Variants in NDUFA13 observed in about 807,000 individuals in gnomAD.
The protein encoded by NDUFA13 is NADH:ubiquinone oxidoreductase subunit A13, also known as NADH dehydrogenase [ubiquinone] 1 alpha subcomplex subunit 13.
NDUFA13 carries 16 observed loss-of-function variants against 17.0 expected under a neutral mutation model. The observed-to-expected ratio is 0.94, with a 90% CI of 0.64 to 1.43. The LOEUF (loss-of-function observed/expected upper bound fraction) is 1.43, where lower values mean the gene tolerates loss of function less well. Ranked by LOEUF, NDUFA13 falls within the 40% of genes most tolerant of loss-of-function variation. NDUFA13 has a pLI of 0.00. For synonymous variants in NDUFA13, 87 were observed against 78.4 expected (o/e 1.11, Z -0.58); for missense variants, 228 against 206.7 (o/e 1.10, Z -0.63).
rs753205170 is a variant in NDUFA13 at position 19,527,694 on chromosome 19, C to T, written c.246-7C>T. The T allele has an allele frequency of 8.4e-6, 13 of 1,551,522 alleles. No homozygotes were observed. The highest frequency in any genetic ancestry group is 1.4e-5 in the African/African-American group (1 of 73,076). On this transcript the variant is annotated splice_region_variant and splice_polypyrimidine_tract_variant and intron_variant, in intron 3 of 4. Coordinates refer to ENST00000507754, the MANE Select transcript of NDUFA13 (RefSeq NM_015965.7). ...CCCCACCCCCACCATCGGCCCCATC[C>T]CCACAGGACCTTGCAGATGCTTCGG...
Position 19,527,761 on chromosome 19 carries a change from C to T in NDUFA13, c.306C>T (p.Pro102=), listed in dbSNP as rs751939200. The change falls in exon 4 of 5, where the codon CCC becomes CCT. Residue 102 remains proline (P), a synonymous_variant. Coordinates refer to ENST00000507754, the MANE Select transcript of NDUFA13 (RefSeq NM_015965.7). The part of the protein sequence containing the change: ...EEEAIIMKDV[P]DWKVGESVFH... ...AGGCCATCATCATGAAGGACGTGCC[C>T]GACTGGAAGGTGGGTCCCGGCTGGG... The T allele has an allele frequency of 1.6e-5, 25 of 1,552,592 alleles. 1 individual carries two copies. The South Asian group carries it at 1.9e-4, about 12-fold the overall frequency.
At chr19:19,522,377 G>C (rs924267853) in intron 1 of NDUFA13, among the ~76,000 whole-genome samples, 2 of 151,120 alleles carry the variant, frequency 1.3e-5, no homozygotes, top group Non-Finnish European at 3.0e-5. Context: ...TTGTGCTTCT[G>C]GTGTCATATC....
At chr19:19,523,989 C>G (rs766795459) in intron 1 of NDUFA13, among the ~76,000 whole-genome samples, 3 of 152,156 alleles carry the variant, frequency 2.0e-5, no homozygotes, top group Admixed American at 2.0e-4. Context: ...AGGCTAGTTG[C>G]AAACTCCTAG....
intron 2 of NDUFA13, 131 bp from the exon 3 acceptor site, chr19:19,527,150 T>TC: frequency 1.2e-6 from 1 of 816,574 alleles, no homozygotes; most frequent in Middle Eastern, 3.5e-4. Context: ...ACCCTCGCCC[T>TC]GCCCCCTGCC....
chr19:19,522,214 A>G (rs1190296052), intron 1 of NDUFA13, among the ~76,000 whole-genome samples: 1 of 151,792 alleles, frequency 6.6e-6, no homozygotes, highest in African/African-American at 2.4e-5. Flanking sequence ...CTGAGGCAGG[A>G]GAATGGCGTG....
At chr19:19,527,679 A>G (rs2061109270) in intron 3 of NDUFA13, 22 bp from the exon 4 acceptor site, 1 of 1,526,260 alleles carries the variant, frequency 6.6e-7, no homozygotes, top group Admixed American at 2.0e-5. Context: ...CCCCACCCCC[A>G]CCATCGGCCC....
At chr19:19,520,128 G>A (rs2061070245) in intron 1 of NDUFA13, among the ~76,000 whole-genome samples, 1 of 151,902 alleles carries the variant, frequency 6.6e-6, no homozygotes, top group African/African-American at 2.4e-5. Flanking sequence ...ACAGGCATGA[G>A]CCACTGCGCC....
intron 1 of NDUFA13, 58 bp downstream of exon 1, chr19:19,516,390 G>T: frequency 6.3e-7 from 1 of 1,582,228 alleles, no homozygotes; most frequent in Non-Finnish European, 8.6e-7. Context: ...TCGGGGGCGG[G>T]GTTCCGGGGA....
In NDUFA13 at chr19:19,527,300, T is replaced by A. The variant is rs769863677; in HGVS notation, c.193T>A (p.Phe65Ile). The A allele has an allele frequency of 6.2e-7, 1 of 1,613,970 alleles. No individual in the cohort carries two copies. Among genetic ancestry groups the A allele is most frequent in the Non-Finnish European group, 8.5e-7 (1 of 1,180,008 alleles). ...TCACAGGCGCCTACAAATCGAGGAC[T>A]TCGAGGCTCGCATCGCGCTGTTGCC... ...RERRRLQIEDFEARIALLPLL... is the reference protein window; with the variant it reads ...RERRRLQIEDIEARIALLPLL... The change falls in exon 3 of 5, where the codon TTC (phenylalanine) becomes ATC (isoleucine). Residue 65 changes from phenylalanine to isoleucine, a missense_variant. Coordinates refer to ENST00000507754, the MANE Select transcript of NDUFA13 (RefSeq NM_015965.7).
At chr19:19,518,256 A>T (rs921947384) in intron 1 of NDUFA13, among the ~76,000 whole-genome samples, 1 of 151,400 alleles carries the variant, frequency 6.6e-6, no homozygotes, top group Non-Finnish European at 1.5e-5. Flanking sequence ...ATTTTTTGAG[A>T]CAGAGTCTCA....
intron 1 of NDUFA13, among the ~76,000 whole-genome samples, chr19:19,525,745 C>T (rs1305411717): frequency 2.7e-5 from 4 of 150,866 alleles, no homozygotes; most frequent in African/African-American, 9.7e-5. Context: ...AGAGGTAGCA[C>T]GGCCACCCCT....
chr19:19,527,158 GCCTGCCTC>G, intron 2 of NDUFA13, 115 bp from the exon 3 acceptor site: 5 of 784,782 alleles, frequency 6.4e-6, no homozygotes, highest in African/African-American at 1.9e-5. Context: ...CCTGCCCCCT[GCCTGCCTC>G]CCCGCCCCCC....
At position 19,516,277 on chromosome 19, in the gene NDUFA13, G is replaced by C. The variant is rs145228508; in HGVS notation, c.39G>C (p.Pro13=). 6.1e-5 allele frequency: 99 copies of C among 1,613,766 alleles called. 1 individual carries two copies. The highest frequency in any genetic ancestry group is 8.1e-5 in the Non-Finnish European group (96 of 1,180,038). The change falls in exon 1 of 5, where the codon CCG becomes CCC. Residue 13 remains proline, a synonymous_variant. Transcript: ENST00000507754. ...ASKVKQDMPP[P]GGYGPIDYKR... The stretch of plus-strand genomic sequence containing the variant: ...AGGTGAAGCAGGACATGCCTCCGCC[G>C]GGGGGCTATGGGCCCATCGACTACA...
At chr19:19,518,758 T>TTTTTTTA (rs2061062440) in intron 1 of NDUFA13, among the ~76,000 whole-genome samples, 4 of 126,980 alleles carry the variant, frequency 3.2e-5, no homozygotes, top group Non-Finnish European at 4.7e-5. Context: ...TTTTTTTTTT[T>TTTTTTTA]GAGATGGAGT....
At chr19:19,518,160 C>T (rs1413042088) in intron 1 of NDUFA13, among the ~76,000 whole-genome samples, 1 of 151,326 alleles carries the variant, frequency 6.6e-6, no homozygotes, top group Non-Finnish European at 1.5e-5. Flanking sequence ...AGATCTGGCC[C>T]ATGAGTGCTG....
At chr19:19,527,641 T>TAGGCAGGGGCCCC (rs1280436662) in intron 3 of NDUFA13, 60 bp from the exon 4 acceptor site, 1 of 1,372,600 alleles carries the variant, frequency 7.3e-7, no homozygotes, top group Non-Finnish European at 1.0e-6. Context: ...CTAGGGGCCC[T>TAGGCAGGGGCCCC]AGGCAGGGGC....
intron 1 of NDUFA13, among the ~76,000 whole-genome samples, chr19:19,525,256 A>T (rs1325891627): frequency 6.6e-6 from 1 of 152,200 alleles, no homozygotes; most frequent in Non-Finnish European, 1.5e-5. Flanking sequence ...ACCAGGTACA[A>T]ATTTGAGCCA....
intron 1 of NDUFA13, among the ~76,000 whole-genome samples, chr19:19,518,624 C>T (rs1163205551): frequency 6.7e-6 from 1 of 148,804 alleles, no homozygotes; most frequent in African/African-American, 2.5e-5. Context: ...AGTGCAGTGG[C>T]GTGATCTCGG....
At position 19,519,134 on chromosome 19, in the gene NDUFA13, C is replaced by T. The variant is rs377353293; in HGVS notation, c.94+2802C>T. Reference sequence around the variant, plus strand: ...TCGAACTCCTGACCTCAGGTGGTCCCCCTGCCTCAGCCGCCCAAAGTGCTG... The same window carrying T: ...TCGAACTCCTGACCTCAGGTGGTCCTCCTGCCTCAGCCGCCCAAAGTGCTG... On this transcript the variant is annotated intron_variant, in intron 1 of 4. Coordinates refer to ENST00000507754, the MANE Select transcript of NDUFA13 (RefSeq NM_015965.7). Among the ~76,000 whole-genome samples the T allele has an allele frequency of 4.5e-4, 67 of 150,402 alleles. No individual in the cohort carries two copies. The East Asian group carries it at 9.0e-3, about 20-fold the overall frequency.
Sources: gnomAD v4.1 joint callset for allele counts (sites outside exome capture counted in the v4.1 genomes callset) on GRCh38, gnomAD v4.1.1 for gene constraint, MANE v1.5 for transcripts, NCBI Gene and HGNC (gene_info 2026-07-23, HGNC 2026-07-21) for gene names.